Variants in RARB observed in about 807,000 individuals in gnomAD.
The protein encoded by RARB is HBV-activated protein.
RARB carries 17 observed loss-of-function variants against 51.9 expected under a neutral mutation model. That is an observed-to-expected ratio of 0.33 (90% CI 0.22 to 0.49). The LOEUF is 0.49. RARB is among the 20% of genes least tolerant of loss of function. The pLI is 0.99. For missense variants in RARB, 369 were observed against 550.8 expected (o/e 0.67, Z 3.30); for synonymous variants, 215 against 195.4 (o/e 1.10, Z -0.84).
At chr3:24,893,727 G>A (rs1297297619) in intron 2 of RARB, among the ~76,000 whole-genome samples, 2 of 150,046 alleles carry the variant, frequency 1.3e-5, no homozygotes, top group African/African-American at 4.9e-5. Flanking sequence ...GTCTCACTAT[G>A]TTGCCTAGGT....
At chr3:25,399,511 T>C (rs1707208234) in intron 5 of RARB, among the ~76,000 whole-genome samples, 1 of 152,162 alleles carries the variant, frequency 6.6e-6, no homozygotes, top group African/African-American at 2.4e-5. Flanking sequence ...TCTTCCTGCC[T>C]GAAATACACA....
chr3:24,994,540 T>C (rs1314615107), intron 2 of RARB, among the ~76,000 whole-genome samples: 1 of 152,096 alleles, frequency 6.6e-6, no homozygotes, highest in Non-Finnish European at 1.5e-5. Flanking sequence ...TTGTCTGTGC[T>C]TTTCAGGTCT....
At chr3:25,564,839 C>G (rs940798109) in intron 3 of RARB, among the ~76,000 whole-genome samples, 6 of 152,156 alleles carry the variant, frequency 3.9e-5, no homozygotes, top group Middle Eastern at 3.2e-3. Flanking sequence ...GTCAAACTCC[C>G]AGGTCTGGCA....
At chr3:25,345,004 C>T (rs755388856) in intron 5 of RARB, among the ~76,000 whole-genome samples, 2 of 152,090 alleles carry the variant, frequency 1.3e-5, no homozygotes, top group African/African-American at 2.4e-5. Context: ...TCTCTTTATG[C>T]TTGTTTTTTT....
chr3:25,092,559 TC>T (rs1699218068), intron 3 of RARB, among the ~76,000 whole-genome samples: 1 of 152,072 alleles, frequency 6.6e-6, no homozygotes, highest in Non-Finnish European at 1.5e-5. Context: ...TCCAGCCCTC[TC>T]CCCACACCAC....
At chr3:25,438,125 G>A (rs1490062068) in intron 1 of RARB, among the ~76,000 whole-genome samples, 1 of 152,228 alleles carries the variant, frequency 6.6e-6, no homozygotes, top group Non-Finnish European at 1.5e-5. Flanking sequence ...GTGGATGTTG[G>A]TTGTCGGTGA....
chr3:25,384,749 G>A (rs533976877), intron 5 of RARB, among the ~76,000 whole-genome samples: 3 of 152,098 alleles, frequency 2.0e-5, no homozygotes, highest in African/African-American at 7.2e-5. Context: ...AGTTGTCTAC[G>A]AACATACTCC....
intron 2 of RARB, among the ~76,000 whole-genome samples, chr3:24,951,905 GA>G (rs1235567804): frequency 3.9e-5 from 6 of 152,134 alleles, no homozygotes; most frequent in African/African-American, 1.4e-4. Flanking sequence ...TGCAAATTTG[GA>G]TTACAGGAAA....
chr3:25,269,390 G>C (rs995633854), intron 5 of RARB, among the ~76,000 whole-genome samples: 4 of 152,178 alleles, frequency 2.6e-5, no homozygotes, highest in African/African-American at 9.6e-5. Flanking sequence ...ACGTGTGACA[G>C]CTGAGAACAA....
chr3:25,405,815 G>A (rs1288444137), intron 5 of RARB, among the ~76,000 whole-genome samples: 1 of 152,152 alleles, frequency 6.6e-6, no homozygotes. Context: ...AAAGGAATAA[G>A]AAAGCACTTC....
intron 2 of RARB, among the ~76,000 whole-genome samples, chr3:25,047,623 G>GC (rs1698243593): frequency 6.6e-6 from 1 of 152,164 alleles, no homozygotes; most frequent in Non-Finnish European, 1.5e-5. Flanking sequence ...TATCTATTTA[G>GC]CCTATGCTAA....
chr3:25,587,276 CA>C (rs1701428540), intron 5 of RARB, among the ~76,000 whole-genome samples: 1 of 151,886 alleles, frequency 6.6e-6, no homozygotes, highest in South Asian at 2.1e-4. Context: ...AGCTGCTAGG[CA>C]ATAGCACCTG....
intron 5 of RARB, among the ~76,000 whole-genome samples, chr3:25,395,813 C>A (rs1188022581): frequency 1.3e-5 from 2 of 150,340 alleles, no homozygotes; most frequent in East Asian, 3.9e-4. Flanking sequence ...TCTCTGGTGT[C>A]TCCTTGAGTA....
At chr3:25,501,812 A>G (rs2125606871) in intron 3 of RARB, among the ~76,000 whole-genome samples, 1 of 152,240 alleles carries the variant, frequency 6.6e-6, no homozygotes, top group Admixed American at 6.5e-5. Context: ...TCCAAACTTG[A>G]TTTCGTTTTT....
intron 2 of RARB, among the ~76,000 whole-genome samples, chr3:24,941,795 C>G (rs1183411473): frequency 1.3e-5 from 2 of 152,194 alleles, no homozygotes; most frequent in Admixed American, 1.3e-4. Flanking sequence ...AATCCAGATT[C>G]CATCTCCTCA....
At chr3:25,233,656 A>T (rs544755789) in intron 5 of RARB, among the ~76,000 whole-genome samples, 1 of 152,096 alleles carries the variant, frequency 6.6e-6, no homozygotes, top group Non-Finnish European at 1.5e-5. Context: ...ACCCTTTAGC[A>T]TGAAACCCAT....
intron 4 of RARB, among the ~76,000 whole-genome samples, chr3:25,139,315 G>T (rs1464402176): frequency 6.6e-6 from 1 of 152,210 alleles, no homozygotes; most frequent in Non-Finnish European, 1.5e-5. Flanking sequence ...AAACAGCCAA[G>T]TTGTGAATGT....
At chr3:24,880,838 T>TC (rs1361286687) in intron 2 of RARB, among the ~76,000 whole-genome samples, 1 of 152,252 alleles carries the variant, frequency 6.6e-6, no homozygotes, top group Non-Finnish European at 1.5e-5. Context: ...AATGTTGTGT[T>TC]ACTGTGAACT....
chr3:25,416,512 C>T (rs1707708090), intron 5 of RARB, among the ~76,000 whole-genome samples: 1 of 152,238 alleles, frequency 6.6e-6, no homozygotes, highest in South Asian at 2.1e-4. Context: ...TCTTCAAAGC[C>T]AATTCAATGG....
Sources: allele counts gnomAD v4.1 joint callset (sites outside exome capture counted in the v4.1 genomes callset), GRCh38; gene constraint gnomAD v4.1.1; transcripts MANE v1.5; gene names NCBI Gene and HGNC (gene_info 2026-07-23, HGNC 2026-07-21).